Variants in ROR1 observed in about 807,000 individuals in gnomAD.
The protein encoded by ROR1 is ROR family WNT receptor 1, also known as inactive tyrosine-protein kinase transmembrane receptor ROR1.
ROR1 carries 19 observed loss-of-function variants against 78.8 expected under a neutral mutation model. The ratio of observed to expected loss-of-function variants is 0.24; its 90% CI spans 0.17 to 0.35. The LOEUF (loss-of-function observed/expected upper bound fraction) is 0.35. Ranked by LOEUF, ROR1 falls within the 10% of genes least tolerant of loss-of-function variation. ROR1 has a pLI of 1.00. For synonymous variants in ROR1, 386 were observed against 433.6 expected (o/e 0.89, Z 1.36); for missense variants, 917 against 1,177.8 (o/e 0.78, Z 3.24).
intron 1 of ROR1, among the ~76,000 whole-genome samples, chr1:63,792,229 T>G (rs953932708): frequency 3.3e-5 from 5 of 152,082 alleles, no homozygotes; most frequent in Non-Finnish European, 7.4e-5. Flanking sequence ...GCAAATGCCT[T>G]GAAATGGGAG....
At chr1:63,795,908 G>A (rs1644757071) in intron 1 of ROR1, among the ~76,000 whole-genome samples, 1 of 152,120 alleles carries the variant, frequency 6.6e-6, no homozygotes, top group Non-Finnish European at 1.5e-5. Flanking sequence ...GATGGGGGTG[G>A]CTGCTCAGAA....
chr1:63,799,092 G>T (rs1557502139), intron 1 of ROR1, among the ~76,000 whole-genome samples: 1 of 151,800 alleles, frequency 6.6e-6, no homozygotes, highest in Non-Finnish European at 1.5e-5. Context: ...AGTCTCATTT[G>T]CCTCATCTGT....
At chr1:63,791,476 CT>C (rs1428216649) in intron 1 of ROR1, among the ~76,000 whole-genome samples, 1 of 152,076 alleles carries the variant, frequency 6.6e-6, no homozygotes, top group Admixed American at 6.5e-5. Flanking sequence ...ATTGTGCTGC[CT>C]GTAATGTTGA....
chr1:64,143,683 G>A (rs1649393855), intron 7 of ROR1, among the ~76,000 whole-genome samples: 2 of 152,174 alleles, frequency 1.3e-5, no homozygotes, highest in African/African-American at 4.8e-5. Context: ...AGCATGGGGA[G>A]ACGCCAGGGA....
chr1:63,804,463 C>G (rs892230456), intron 1 of ROR1, among the ~76,000 whole-genome samples: 3 of 152,132 alleles, frequency 2.0e-5, no homozygotes, highest in African/African-American at 7.2e-5. Flanking sequence ...ATACTTATTT[C>G]AAATTAAATA....
intron 1 of ROR1, among the ~76,000 whole-genome samples, chr1:63,940,414 T>C (rs1645827130): frequency 6.6e-6 from 1 of 151,982 alleles, no homozygotes; most frequent in Non-Finnish European, 1.5e-5. Context: ...TTATAAGGCA[T>C]TGAATAAAAT....
intron 4 of ROR1, among the ~76,000 whole-genome samples, chr1:64,072,637 A>G (rs1647014369): frequency 6.6e-6 from 1 of 152,194 alleles, no homozygotes; most frequent in African/African-American, 2.4e-5. Flanking sequence ...AGTGTTTAAT[A>G]CATGACGTCA....
intron 1 of ROR1, among the ~76,000 whole-genome samples, chr1:63,808,413 G>A (rs1193595423): frequency 1.3e-5 from 2 of 152,152 alleles, no homozygotes; most frequent in African/African-American, 4.8e-5. Context: ...GTTTTTATTT[G>A]TAAAGTAACA....
chr1:63,949,491 T>C (rs1213237950), intron 1 of ROR1, among the ~76,000 whole-genome samples: 1 of 152,164 alleles, frequency 6.6e-6, no homozygotes, highest in Non-Finnish European at 1.5e-5. Context: ...GATAGCCTGG[T>C]TTTCTGCCCA....
chr1:63,859,301 C>A (rs1569828498), intron 1 of ROR1, among the ~76,000 whole-genome samples: 1 of 152,124 alleles, frequency 6.6e-6, no homozygotes, highest in Non-Finnish European at 1.5e-5. Flanking sequence ...GATGAAGATC[C>A]CCTCTTCTAT....
intron 1 of ROR1, among the ~76,000 whole-genome samples, chr1:64,005,876 A>T (rs1475907287): frequency 6.6e-6 from 1 of 152,214 alleles, no homozygotes; most frequent in African/African-American, 2.4e-5. Context: ...GAAGCTGAAC[A>T]CGTGGTTATC....
chr1:64,117,270 G>A (rs1462764540), intron 4 of ROR1, among the ~76,000 whole-genome samples: 2 of 152,014 alleles, frequency 1.3e-5, no homozygotes, highest in Admixed American at 6.6e-5. Flanking sequence ...TGATCTCTTC[G>A]ACCTCATTTT....
rs1292649341 is a variant in ROR1, at chr1:63,959,950, C to G, written c.92-49355C>G. The stretch of plus-strand genomic sequence containing the variant: ...CGTTCTCTGCTCATTTTAAATGACC[C>G]ATTTTGAGCATCACCTCCCACGAGA... On this transcript the variant is annotated intron_variant, in intron 1 of 8. Coordinates refer to ENST00000371079, the MANE Select transcript of ROR1 (RefSeq NM_005012.4). Among the ~76,000 whole-genome samples, 4 of 152,350 alleles carry G rather than the reference C, an allele frequency of 2.6e-5. No individual in the cohort carries two copies. The East Asian group carries it at 5.8e-4, about 22-fold the overall frequency.
chr1:64,059,412 T>C (rs1221156856), intron 4 of ROR1, among the ~76,000 whole-genome samples: 1 of 152,098 alleles, frequency 6.6e-6, no homozygotes, highest in Non-Finnish European at 1.5e-5. Flanking sequence ...TGTACTCCCT[T>C]TAAAGAGAGA....
In ROR1 at chr1:64,180,502, C is replaced by T. The variant is rs1650520531; in HGVS notation, c.*1647C>T. 6.6e-6 allele frequency: 1 copy of T among 152,114 alleles called. No homozygotes were observed. Among genetic ancestry groups the T allele is most frequent in the South Asian group, 2.1e-4 (1 of 4,820 alleles). The allele number at this position is 152,114 out of a possible 1,614,324, so 9.4% of individuals were successfully genotyped here. ...AAAATGCATTGCAATTTTCCCAAAC[C>T]TGAGTCTTCAAATAACAAACATGAA... On this transcript the variant is annotated 3_prime_UTR_variant, in exon 9 of 9. Coordinates refer to ENST00000371079, the MANE Select transcript of ROR1 (RefSeq NM_005012.4).
At chr1:63,860,430 A>G (rs1188492126) in intron 1 of ROR1, among the ~76,000 whole-genome samples, 1 of 152,024 alleles carries the variant, frequency 6.6e-6, no homozygotes, top group African/African-American at 2.4e-5. Context: ...TTTTAATAAG[A>G]AGAATGGAGG....
At chr1:63,956,990 G>C (rs1645987649) in intron 1 of ROR1, among the ~76,000 whole-genome samples, 1 of 152,174 alleles carries the variant, frequency 6.6e-6, no homozygotes, top group African/African-American at 2.4e-5. Flanking sequence ...GCCAATAGAA[G>C]TGGGTAATAG....
rs77103899 is a variant in ROR1, at chr1:63,855,445, C to T, written c.91+80937C>T. On this transcript the variant is annotated intron_variant, in intron 1 of 8. Coordinates refer to ENST00000371079, the MANE Select transcript of ROR1 (RefSeq NM_005012.4). ...GGGCTCCAGTTACATGTATATTAGG[C>T]CAGTTGAAGTTGTTCCTCAACTCAC... is the stretch of plus-strand genomic sequence containing the variant. 1.0e-2 allele frequency among the ~76,000 whole-genome samples: 1,518 copies of T among 152,220 alleles called. 19 individuals are homozygous for T. Among genetic ancestry groups the T allele is most frequent in the African/African-American group, 0.035 (1,458 of 41,528 alleles).
chr1:64,031,519 G>A (rs1293790532), intron 2 of ROR1, among the ~76,000 whole-genome samples: 4 of 152,300 alleles, frequency 2.6e-5, no homozygotes, highest in South Asian at 2.1e-4. Flanking sequence ...GGGTCATCTT[G>A]TTCTTTTTCC....
Sources: gnomAD v4.1 joint callset for allele counts (sites outside exome capture counted in the v4.1 genomes callset) on GRCh38, gnomAD v4.1.1 for gene constraint, MANE v1.5 for transcripts, NCBI Gene and HGNC (gene_info 2026-07-23, HGNC 2026-07-21) for gene names.